WDFY2: variants seen among roughly 807,000 people sequenced by gnomAD.
The protein encoded by WDFY2 is WD repeat and FYVE domain containing 2.
WDFY2 carries 36 observed loss-of-function variants against 56.4 expected under a neutral mutation model. The ratio of observed to expected loss-of-function variants is 0.64; its 90% CI spans 0.49 to 0.84. The LOEUF is 0.84. Ranked by LOEUF, WDFY2 falls within the 40% of genes least tolerant of loss-of-function variation. The probability of loss-of-function intolerance (pLI) is 0.00; values close to 1 mark genes in which losing one functional copy is unlikely to be tolerated. For missense variants in WDFY2, 444 were observed against 512.2 expected (o/e 0.87, Z 1.29); for synonymous variants, 176 against 183.7 (o/e 0.96, Z 0.34).
Position 51,685,373 on chromosome 13 carries a change from C to T in WDFY2, c.279+10130C>T, listed in dbSNP as rs368049581. 2.0e-3 allele frequency among the ~76,000 whole-genome samples: 311 copies of T among 152,300 alleles called. 1 individual carries two copies. The highest frequency in any genetic ancestry group is 5.8e-3 in the African/African-American group (242 of 41,574). Reference sequence around the variant, plus strand: ...GGGGTTAGGGGCACTGACCCCACCTCCCCTTCCAGTTGAGAATTTGAGTAT... The same window carrying T: ...GGGGTTAGGGGCACTGACCCCACCTTCCCTTCCAGTTGAGAATTTGAGTAT... On this transcript the variant is annotated intron_variant, in intron 3 of 11. Transcript: ENST00000298125.
chr13:51,627,913 C>T (rs943726564), intron 1 of WDFY2, among the ~76,000 whole-genome samples: 1 of 152,310 alleles, frequency 6.6e-6, no homozygotes, highest in Non-Finnish European at 1.5e-5. Flanking sequence ...CTGCCGGAGT[C>T]TGCCTGAGTC....
intron 1 of WDFY2, among the ~76,000 whole-genome samples, chr13:51,652,097 G>A (rs1217458000): frequency 6.6e-6 from 1 of 152,142 alleles, no homozygotes; most frequent in Non-Finnish European, 1.5e-5. Flanking sequence ...CCTGTATTGG[G>A]TGCATATATA....
intron 1 of WDFY2, among the ~76,000 whole-genome samples, chr13:51,605,751 G>T (rs1368362576): frequency 6.6e-6 from 1 of 152,170 alleles, no homozygotes; most frequent in Non-Finnish European, 1.5e-5. Flanking sequence ...CGTGATGAAG[G>T]AGAATGCAAA....
At chr13:51,661,994 G>T (rs1482146595) in intron 2 of WDFY2, among the ~76,000 whole-genome samples, 1 of 151,678 alleles carries the variant, frequency 6.6e-6, no homozygotes, top group Non-Finnish European at 1.5e-5. Context: ...TTTTTGAGAT[G>T]GAGTCTCCCT....
chr13:51,724,587 C>G (rs942957828), intron 5 of WDFY2, among the ~76,000 whole-genome samples: 1 of 152,084 alleles, frequency 6.6e-6, no homozygotes, highest in Non-Finnish European at 1.5e-5. Context: ...AGGTGCACAG[C>G]AAAATTGAGC....
At chr13:51,717,601 G>A (rs559838540) in intron 4 of WDFY2, among the ~76,000 whole-genome samples, 1 of 152,068 alleles carries the variant, frequency 6.6e-6, no homozygotes, top group South Asian at 2.1e-4. Flanking sequence ...GCTTGAAATC[G>A]ACTTGAGTAT....
At position 51,677,053 on chromosome 13, in the gene WDFY2, G is replaced by A. The variant is rs79212354; in HGVS notation, c.279+1810G>A. ...CTGATAAATTTGGCTTTGAAGGCAA[G>A]AAAGATGAGCAAAGTAAGTTATGGA... On this transcript the variant is annotated intron_variant, in intron 3 of 11. Transcript: ENST00000298125. Among the ~76,000 whole-genome samples, 152 of 152,318 alleles carry A rather than the reference G, an allele frequency of 1.0e-3. 1 individual carries two copies. The East Asian group carries it at 0.025, about 25-fold the overall frequency.
chr13:51,667,879 CTTTTTTTTTTTTTTTTTT>C (rs66771214), intron 2 of WDFY2, among the ~76,000 whole-genome samples: 15 of 50,048 alleles, frequency 3.0e-4, no homozygotes, highest in African/African-American at 9.0e-4. Flanking sequence ...TGAGGAACTT[CTTTTTTTTTTTTTTTTTT>C]TTTTTTTTTT....
At chr13:51,645,379 G>C (rs542666204) in intron 1 of WDFY2, among the ~76,000 whole-genome samples, 10 of 152,102 alleles carry the variant, frequency 6.6e-5, no homozygotes, top group African/African-American at 2.4e-4. Context: ...TTGTCCCCTG[G>C]GAAATGAAGC....
At chr13:51,600,900 A>T (rs1445426622) in intron 1 of WDFY2, among the ~76,000 whole-genome samples, 1 of 152,202 alleles carries the variant, frequency 6.6e-6, no homozygotes, top group African/African-American at 2.4e-5. Flanking sequence ...TTTTCCGTGA[A>T]GTCTGCTCAT....
In WDFY2 at chr13:51,622,921, G is replaced by A. The variant is rs527241799; in HGVS notation, c.138-37675G>A. ...CACCCAGGCTGGAGTGTGGTGGTAC[G>A]ATCTCGGCTCACTGCAGCCTCCACC... On this transcript the variant is annotated intron_variant, in intron 1 of 11. Transcript: ENST00000298125. Among the ~76,000 whole-genome samples the A allele has an allele frequency of 2.7e-5, 4 of 145,776 alleles. No homozygotes were observed. The South Asian group carries it at 8.7e-4, about 32-fold the overall frequency.
chr13:51,622,142 G>A (rs908033072), intron 1 of WDFY2, among the ~76,000 whole-genome samples: 9 of 152,120 alleles, frequency 5.9e-5, no homozygotes, highest in African/African-American at 1.4e-4. Flanking sequence ...GGATTAATGC[G>A]AAGCACATTT....
intron 2 of WDFY2, among the ~76,000 whole-genome samples, chr13:51,663,020 G>C (rs1029325393): frequency 5.3e-5 from 8 of 152,164 alleles, no homozygotes; most frequent in Admixed American, 5.2e-4. Flanking sequence ...AGATAGGCTG[G>C]GCGGGTTAGA....
In WDFY2 at chr13:51,705,347, AGAT is replaced by A. The variant is rs553409620; in HGVS notation, c.334+1698_334+1700del. ...AACTGCACCAATACTTCAGACTCTG[AGAT>A]AATTAACATTTACTGTTTTAAGGCA... On this transcript the variant is annotated intron_variant, in intron 4 of 11. Coordinates refer to ENST00000298125, the MANE Select transcript of WDFY2 (RefSeq NM_052950.4). Among the ~76,000 whole-genome samples, 73 of 152,336 alleles carry A rather than the reference AGAT, an allele frequency of 4.8e-4. 2 individuals are homozygous for A. In the South Asian group the frequency reaches 0.015, roughly 31 times the overall value.
At chr13:51,599,741 T>TA (rs1395230118) in intron 1 of WDFY2, among the ~76,000 whole-genome samples, 2 of 152,178 alleles carry the variant, frequency 1.3e-5, no homozygotes, top group Non-Finnish European at 2.9e-5. Context: ...GATTATAAGT[T>TA]ATAGTTTAAA....
intron 4 of WDFY2, among the ~76,000 whole-genome samples, chr13:51,708,600 AAG>A (rs1313046889): frequency 6.6e-6 from 1 of 152,140 alleles, no homozygotes. Flanking sequence ...AAAGCAGACT[AAG>A]AGGAAAAAAG....
chr13:51,637,226 C>G (rs1475280559), intron 1 of WDFY2, among the ~76,000 whole-genome samples: 1 of 152,210 alleles, frequency 6.6e-6, no homozygotes, highest in East Asian at 1.9e-4. Flanking sequence ...CAAGTTCATG[C>G]AAAAGGTTTT....
intron 1 of WDFY2, among the ~76,000 whole-genome samples, chr13:51,642,543 C>T (rs949632952): frequency 2.0e-5 from 3 of 152,026 alleles, no homozygotes; most frequent in African/African-American, 7.2e-5. Flanking sequence ...AGTGATCCAC[C>T]GTGGCCTCCC....
At position 51,758,867 on chromosome 13, in the gene WDFY2, C is replaced by T. The variant is rs146029464; in HGVS notation, c.1173+567C>T. Among the ~76,000 whole-genome samples, 755 of 152,196 alleles carry T rather than the reference C, an allele frequency of 5.0e-3. 5 individuals are homozygous for T. The highest frequency in any genetic ancestry group is 0.014 in the African/African-American group (592 of 41,530). Reference sequence around the variant, plus strand: ...CCCACTTTGGAAGCTACCAGATCTCCGTGACTTTGAGAGGAAGTTTAAAAT... The same window carrying T: ...CCCACTTTGGAAGCTACCAGATCTCTGTGACTTTGAGAGGAAGTTTAAAAT... On this transcript the variant is annotated intron_variant, in intron 11 of 11. Coordinates refer to ENST00000298125, the MANE Select transcript of WDFY2 (RefSeq NM_052950.4).
Sources: allele counts gnomAD v4.1 joint callset (sites outside exome capture counted in the v4.1 genomes callset), GRCh38; gene constraint gnomAD v4.1.1; transcripts MANE v1.5; gene names NCBI Gene and HGNC (gene_info 2026-07-23, HGNC 2026-07-21).